The following LLGL2 variants were observed in gnomAD, a reference collection of about 807,000 sequenced individuals.
The protein encoded by LLGL2 is LLGL scribble cell polarity complex component 2.
LLGL2 carries 81 observed loss-of-function variants against 123.2 expected under a neutral mutation model. The ratio of observed to expected loss-of-function variants is 0.66; its 90% CI spans 0.55 to 0.79. The LOEUF is 0.79. LLGL2 is among the 30% of genes least tolerant of loss of function. The pLI is 0.00. For synonymous variants in LLGL2, 577 were observed against 594.1 expected (o/e 0.97, Z 0.42); for missense variants, 1,273 against 1,414.6 (o/e 0.90, Z 1.61).
rs1326253546 is a variant in LLGL2 at position 75,575,083 on chromosome 17, G to C, written c.*205G>C. On this transcript the variant is annotated 3_prime_UTR_variant, in exon 26 of 26. Transcript: ENST00000392550. Reference sequence around the variant, plus strand: ...CCCTTCCCGGGCCTCGTCTGTCTGGGTCCTTTGGTCAATGTTGCACAGTTT... The same window carrying C: ...CCCTTCCCGGGCCTCGTCTGTCTGGCTCCTTTGGTCAATGTTGCACAGTTT... 1 of 657,764 alleles carries C rather than the reference G, an allele frequency of 1.5e-6. No individual in the cohort carries two copies. The highest frequency in any genetic ancestry group is 2.5e-5 in the Admixed American group (1 of 40,376). The allele number at this position is 657,764 out of a possible 1,614,324, so 40.7% of individuals were successfully genotyped here. A position where few individuals can be genotyped will look rare whatever the true frequency, so the allele number is the denominator to read the frequency against.
intron 1 of LLGL2, among the ~76,000 whole-genome samples, chr17:75,529,981 G>A (rs965696086): frequency 3.9e-5 from 6 of 152,152 alleles, no homozygotes; most frequent in African/African-American, 7.2e-5. Context: ...TCACTGACCC[G>A]TGCTGAGCTT....
Position 75,573,654 on chromosome 17 carries a change from TCTCCCGCCC to T in LLGL2, c.2876+38_2876+46del, listed in dbSNP as rs746112891. On this transcript the variant is annotated intron_variant, in intron 21 of 25. Coordinates refer to ENST00000392550, the MANE Select transcript of LLGL2 (RefSeq NM_001031803.2). The stretch of plus-strand genomic sequence containing the variant: ...CAGGTGAGTGAAAGGGCCAGAGGCC[TCTCCCGCCC>T]CTCCCGCCCCTCCCTGCCCTCTCTG... The T allele has an allele frequency of 8.8e-5, 136 of 1,550,948 alleles. No homozygotes were observed. In the African/African-American group the frequency reaches 1.1e-3, roughly 12 times the overall value.
At chr17:75,562,401 T>A (rs2055260976) in intron 6 of LLGL2, 1 of 155,296 alleles carries the variant, frequency 6.4e-6, no homozygotes, top group East Asian at 1.9e-4. Context: ...TTATGCACCC[T>A]TCCTAGTCAA....
At chr17:75,565,901 G>A (rs959990128) in intron 10 of LLGL2, among the ~76,000 whole-genome samples, 1 of 152,210 alleles carries the variant, frequency 6.6e-6, no homozygotes, top group East Asian at 1.9e-4. Context: ...CCCTGTTCTA[G>A]AAACAGATGA....
Position 75,563,766 on chromosome 17 carries a change from A to C in LLGL2, c.841A>C (p.Lys281Gln), listed in dbSNP as rs745460281. Residue 281 changes from lysine (K) to glutamine (Q), a missense_variant, in exon 9 of 26, where the codon AAA becomes CAA. Lys to Gln is a moderately conservative substitution (Grantham distance 53). Transcript: ENST00000392550. ...SLVPYGPFPC[K>Q]AITRILWLTT... Reference sequence around the variant, plus strand: ...TTTCCTTTCAGGTCCCTTTCCTTGCAAAGCGATTACCAGAATCCTCTGGCT... The same window carrying C: ...TTTCCTTTCAGGTCCCTTTCCTTGCCAAGCGATTACCAGAATCCTCTGGCT... 36 of 1,613,902 alleles carry C rather than the reference A, an allele frequency of 2.2e-5. 3 individuals are homozygous for C. In the Admixed American group the frequency reaches 3.3e-4, roughly 15 times the overall value.
intron 19 of LLGL2, among the ~76,000 whole-genome samples, chr17:75,572,526 G>A (rs575252818): frequency 3.7e-4 from 57 of 152,262 alleles, no homozygotes; most frequent in African/African-American, 1.3e-3. Context: ...TTAGTTAGGC[G>A]TGGTGGCGGG....
intron 1 of LLGL2, among the ~76,000 whole-genome samples, chr17:75,538,067 TC>T (rs899289170): frequency 3.0e-4 from 46 of 152,156 alleles, no homozygotes; most frequent in African/African-American, 1.1e-3. Flanking sequence ...CGCCTTGGCC[TC>T]CCAAACTGCT....
chr17:75,528,084 G>A (rs981622922), intron 1 of LLGL2, among the ~76,000 whole-genome samples: 6 of 151,372 alleles, frequency 4.0e-5, no homozygotes, highest in Admixed American at 2.6e-4. Flanking sequence ...CGCCAGACCC[G>A]TTAGTATAAA....
At chr17:75,525,237 C>T (rs1290492032), upstream of LLGL2, 1 of 151,694 alleles carries the variant, frequency 6.6e-6, no homozygotes, top group Non-Finnish European at 1.5e-5. This position sits in a 1 kb window ranked among gnomAD's most constrained non-coding sequence, Gnocchi z 4.8. Context: ...CCGGTCCCTA[C>T]ACCATCCCTC....
chr17:75,569,513 A>AAGGGC (rs1337339681), intron 14 of LLGL2, among the ~76,000 whole-genome samples, 188 bp downstream of exon 14: 1 of 152,132 alleles, frequency 6.6e-6, no homozygotes, highest in African/African-American at 2.4e-5. Flanking sequence ...AATCGGAATT[A>AAGGGC]AGGGCTGGGC....
chr17:75,532,082 T>TACACACACACACACACACAC (rs2053817635), intron 1 of LLGL2, among the ~76,000 whole-genome samples: 3 of 30,830 alleles, frequency 9.7e-5, no homozygotes, highest in Admixed American at 4.2e-4. Context: ...ACACACTTTT[T>TACACACACACACACACACAC]TTTTTTTTTT....
chr17:75,565,626 G>C (rs1050173003), intron 10 of LLGL2, among the ~76,000 whole-genome samples: 37 of 152,216 alleles, frequency 2.4e-4, no homozygotes, highest in Non-Finnish European at 2.9e-5. Flanking sequence ...GGAAAGGTCA[G>C]GAAGGGAGGG....
At chr17:75,525,438 C>T (rs1018927511), upstream of LLGL2, among the ~76,000 whole-genome samples, 1 of 151,930 alleles carries the variant, frequency 6.6e-6, no homozygotes, top group Non-Finnish European at 1.5e-5. This position sits in a 1 kb window ranked among gnomAD's most constrained non-coding sequence, Gnocchi z 4.8. Context: ...CGGGAGGCGG[C>T]GGGACACTGG....
At position 75,563,987 on chromosome 17, in the gene LLGL2, C is replaced by G. The variant is rs143145816; in HGVS notation, c.881+181C>G. Among the ~76,000 whole-genome samples, 239 of 152,308 alleles carry G rather than the reference C, an allele frequency of 1.6e-3. 2 individuals carry two copies. The highest frequency in any genetic ancestry group is 2.1e-4 in the Non-Finnish European group (14 of 68,020). Reference sequence around the variant, plus strand: ...ATTCACGTCTCTCAGCGGCCCAATTCCTGCCAAGTTCATTCTTGCTCCTTT... The same window carrying G: ...ATTCACGTCTCTCAGCGGCCCAATTGCTGCCAAGTTCATTCTTGCTCCTTT... On this transcript the variant is annotated intron_variant, in intron 9 of 25. Transcript: ENST00000392550.
Position 75,568,705 on chromosome 17 carries a change from C to T in LLGL2, c.1254+12C>T. On this transcript the variant is annotated intron_variant, in intron 11 of 25. Transcript: ENST00000392550. ...ACTTCTCCACCATGGTAGGTCTGGC[C>T]CTGGCCCCAGCCCCAGCCCCACCGC... 6.2e-7 allele frequency: 1 copy of T among 1,613,708 alleles called. No individual in the cohort carries two copies.
chr17:75,533,149 G>A (rs962351714), intron 1 of LLGL2, among the ~76,000 whole-genome samples: 3 of 150,914 alleles, frequency 2.0e-5, no homozygotes, highest in Admixed American at 6.6e-5. Flanking sequence ...ACAGGCTCCC[G>A]CCACCACGCC....
chr17:75,570,246 T>C lies in LLGL2; in HGVS notation c.1865T>C (p.Val622Ala), dbSNP rs957199866. Residue 622 changes from valine (V) to alanine (A), a missense_variant, in exon 15 of 26, where the codon GTC becomes GCC. Physicochemically the swap from Val to Ala is moderately conservative, Grantham distance 64. Transcript: ENST00000392550. ...TTTGACCACCAGCAGCGGCGGCAGG[T>C]CTTTGTTAAGTGAGCAGGGGCGGCT... Reference protein sequence around the residue: ...GLFDHQQRRQVFVKCTLHPSD... With the variant: ...GLFDHQQRRQAFVKCTLHPSD... 1.1e-5 allele frequency: 18 copies of C among 1,599,974 alleles called. No homozygotes were observed. The highest frequency in any genetic ancestry group is 1.4e-5 in the Non-Finnish European group (17 of 1,173,690).
rs779680658 is a variant in LLGL2 at position 75,571,947 on chromosome 17, G to A, written c.2343G>A (p.Val781=). 2.2e-5 allele frequency: 35 copies of A among 1,612,680 alleles called. No individual in the cohort carries two copies. The South Asian group carries it at 3.3e-4, about 15-fold the overall frequency. ...MHRAPVVGIL[V]LDGHSVPLPE... ...GGGCGCCGGTGGTGGGCATCCTGGT[G>A]CTCGACGGACACAGCGTACCCCTTC... is the stretch of plus-strand genomic sequence containing the variant. The change falls in exon 19 of 26, where the codon GTG becomes GTA. Residue 781 remains valine, a synonymous_variant. Transcript: ENST00000392550.
chr17:75,530,245 G>A (rs940452135), intron 1 of LLGL2, among the ~76,000 whole-genome samples: 2 of 152,220 alleles, frequency 1.3e-5, no homozygotes, highest in African/African-American at 4.8e-5. Flanking sequence ...GCTCATGCCT[G>A]TAATCCCAGT....
Sources: allele counts gnomAD v4.1 joint callset (sites outside exome capture counted in the v4.1 genomes callset), GRCh38; gene constraint gnomAD v4.1.1; non-coding constraint Gnocchi (gnomAD v3.1); transcripts MANE v1.5; gene names NCBI Gene and HGNC (gene_info 2026-07-23, HGNC 2026-07-21).